Variants in CPEB2 observed in about 807,000 individuals in gnomAD.
The protein encoded by CPEB2 is cytoplasmic polyadenylation element-binding protein 2.
CPEB2 carries 56 observed loss-of-function variants against 93.6 expected under a neutral mutation model. The observed-to-expected ratio is 0.60, with a 90% CI of 0.48 to 0.75. The LOEUF (loss-of-function observed/expected upper bound fraction) is 0.75, where lower values mean the gene tolerates loss of function less well. CPEB2 is among the 30% of genes least tolerant of loss of function. The pLI is 0.00. For synonymous variants in CPEB2, 764 were observed against 586.3 expected, an observed-to-expected ratio of 1.30 and a Z score of -4.38; for missense variants, 1,579 against 1,395.1, an observed-to-expected ratio of 1.13 and a Z score of -2.10.
intron 6 of CPEB2, among the ~76,000 whole-genome samples, chr4:15,048,890 C>T (rs1727965772): frequency 6.6e-6 from 1 of 151,862 alleles, no homozygotes. Flanking sequence ...CTTTTATTGT[C>T]ATATTAATTT....
At chr4:15,065,997 A>G (rs908750438) in intron 11 of CPEB2, among the ~76,000 whole-genome samples, 156 bp from the exon 12 acceptor site, 2 of 152,070 alleles carry the variant, frequency 1.3e-5, no homozygotes, top group Admixed American at 1.3e-4. Flanking sequence ...AAAGTGTTTT[A>G]ACCTACTACA....
At chr4:15,053,812 A>G (rs944834945) in intron 7 of CPEB2, among the ~76,000 whole-genome samples, 3 of 152,082 alleles carry the variant, frequency 2.0e-5, no homozygotes, top group African/African-American at 4.8e-5. Flanking sequence ...ATTTTTTTCA[A>G]TCCAGTGCTA....
intron 4 of CPEB2, among the ~76,000 whole-genome samples, chr4:15,026,767 T>A (rs2109014504): frequency 6.6e-6 from 1 of 152,350 alleles, no homozygotes; most frequent in Non-Finnish European, 1.5e-5. Flanking sequence ...TGTAAAATAG[T>A]TTGTATAACC....
At chr4:15,042,937 G>A (rs1309696836) in intron 6 of CPEB2, among the ~76,000 whole-genome samples, 4 of 152,030 alleles carry the variant, frequency 2.6e-5, no homozygotes, top group Non-Finnish European at 5.9e-5. Flanking sequence ...TAATTATTTT[G>A]TGAAAAATGA....
chr4:15,063,368 C>CA (rs146698542), intron 11 of CPEB2, among the ~76,000 whole-genome samples: 314 of 137,062 alleles, frequency 2.3e-3, no homozygotes, highest in Middle Eastern at 3.8e-3. Context: ...AAAAGGTTGC[C>CA]AAAAAAAAAA....
At chr4:15,018,915 A>C (rs1327201882) in intron 4 of CPEB2, among the ~76,000 whole-genome samples, 1 of 144,766 alleles carries the variant, frequency 6.9e-6, no homozygotes, top group Non-Finnish European at 1.5e-5. Flanking sequence ...AAATGGAAGC[A>C]TTATAAGGCT....
intron 4 of CPEB2, among the ~76,000 whole-genome samples, chr4:15,026,010 G>C (rs113722044): frequency 6.6e-6 from 1 of 151,962 alleles, no homozygotes; most frequent in Admixed American, 6.6e-5. Flanking sequence ...TAACTGCCAC[G>C]TTAGGGATTT....
chr4:15,062,948 T>A (rs1729335239), intron 11 of CPEB2, among the ~76,000 whole-genome samples: 1 of 152,116 alleles, frequency 6.6e-6, no homozygotes, highest in African/African-American at 2.4e-5. Flanking sequence ...GACACTAGCA[T>A]TCATTTACAA....
chr4:15,030,068 A>C (rs953277691), intron 4 of CPEB2, among the ~76,000 whole-genome samples: 5 of 152,090 alleles, frequency 3.3e-5, no homozygotes, highest in African/African-American at 1.2e-4. Context: ...TATTATTGAC[A>C]GGAACAGGTA....
chr4:15,017,253 G>A lies in CPEB2; in HGVS notation c.2100G>A (p.Met700Ile). ...HSLENSLIDIMRAEHDPLKGR... is the reference protein window; with the variant it reads ...HSLENSLIDIIRAEHDPLKGR... ...TGGAAAATTCCCTTATCGATATTAT[G>A]AGAGCAGAGCATGATCCTCTTAAGG... The change falls in exon 4 of 12, where the codon ATG (methionine) becomes ATA (isoleucine). Residue 700 changes from methionine (M) to isoleucine (I), a missense_variant. Physicochemically the swap from Met to Ile is conservative, Grantham distance 10. This residue lies in a region of CPEB2 where 1,411 missense variants were observed against 1,056.0 expected (regional missense o/e 1.34). Transcript: ENST00000538197. 2 of 1,596,936 alleles carry A rather than the reference G, an allele frequency of 1.3e-6. No homozygotes were observed. Among genetic ancestry groups the A allele is most frequent in the Non-Finnish European group, 1.7e-6 (2 of 1,166,930 alleles).
intron 1 of CPEB2, among the ~76,000 whole-genome samples, 157 bp downstream of exon 1, chr4:15,004,492 C>T (rs1560209429): frequency 1.3e-5 from 2 of 152,124 alleles, no homozygotes; most frequent in Non-Finnish European, 2.9e-5. Flanking sequence ...GGGCGGACAA[C>T]CGTGACAGGA....
chr4:15,014,845 C>T (rs542711568), intron 3 of CPEB2, among the ~76,000 whole-genome samples: 1 of 152,100 alleles, frequency 6.6e-6, no homozygotes, highest in East Asian at 1.9e-4. Flanking sequence ...ATAGTGGAAG[C>T]ACAGGGAAGA....
At chr4:15,026,255 C>T (rs1384751522) in intron 4 of CPEB2, among the ~76,000 whole-genome samples, 3 of 149,670 alleles carry the variant, frequency 2.0e-5, no homozygotes, top group Admixed American at 1.3e-4. Flanking sequence ...GAGATGGAGT[C>T]TTGCTCTGTC....
In CPEB2 at chr4:15,003,566, A is replaced by G. The variant is rs939334937; in HGVS notation, c.893A>G (p.Asn298Ser). 3.4e-6 allele frequency: 5 copies of G among 1,465,484 alleles called. No homozygotes were observed. The highest frequency in any genetic ancestry group is 1.8e-4 in the Middle Eastern group (1 of 5,678). 90.8% of individuals were successfully genotyped at this position (1,465,484 alleles called of 1,614,324 possible). A position where few individuals can be genotyped will look rare whatever the true frequency, so the allele number is the denominator to read the frequency against. The change falls in exon 1 of 12, where the codon AAT becomes AGT. Residue 298 changes from asparagine to serine, a missense_variant. This residue lies in a region of CPEB2 where 1,411 missense variants were observed against 1,056.0 expected (regional missense o/e 1.34). Coordinates refer to ENST00000538197, the MANE Select transcript of CPEB2 (RefSeq NM_001177382.2). Reference sequence around the variant, plus strand: ...GAGGGCAGCGCCGCCGAGTCCCCCAATGCGGGCTTGGCCTCCTCGACGCCG... The same window carrying G: ...GAGGGCAGCGCCGCCGAGTCCCCCAGTGCGGGCTTGGCCTCCTCGACGCCG... ...AGEGSAAESP[N>S]AGLASSTPVN... is the part of the protein sequence containing the mutation.
rs550280362 is a variant in CPEB2, at chr4:15,019,398, C to G, written c.2125+2120C>G. On this transcript the variant is annotated intron_variant, in intron 4 of 11. Transcript: ENST00000538197. ...TGTATATTTTCTTTCTCTCCGTACT[C>G]TGATTATTGTACTTTTTTCTTTGGG... Among the ~76,000 whole-genome samples the G allele has an allele frequency of 7.3e-5, 11 of 151,464 alleles. No homozygotes were observed. In the East Asian group the frequency reaches 1.7e-3, roughly 24 times the overall value.
intron 5 of CPEB2, among the ~76,000 whole-genome samples, chr4:15,040,152 G>GTAAA (rs1450277168): frequency 1.3e-5 from 2 of 152,068 alleles, no homozygotes; most frequent in Non-Finnish European, 2.9e-5. Flanking sequence ...TTACCGCAAA[G>GTAAA]TGTTGTATAT....
intron 8 of CPEB2, 123 bp downstream of exon 8, chr4:15,054,340 A>G: frequency 2.8e-6 from 2 of 701,778 alleles, no homozygotes; most frequent in South Asian, 3.4e-5. Flanking sequence ...AATTTCATAG[A>G]CTCAGATCAA....
rs1477794351 is a variant in CPEB2 at position 15,002,772 on chromosome 4, G to T, written c.99G>T (p.Val33=). ...FCGEAYGPYA[V]GSVNPLPSAT... is the part of the protein sequence containing the mutation. ...GCGAGGCGTATGGTCCTTACGCCGT[G>T]GGGTCCGTCAACCCGCTGCCCTCCG... Residue 33 remains valine (V), a synonymous_variant, in exon 1 of 12, where the codon GTG becomes GTT. Coordinates refer to ENST00000538197, the MANE Select transcript of CPEB2 (RefSeq NM_001177382.2). The T allele has an allele frequency of 3.3e-6, 5 of 1,535,408 alleles. No individual in the cohort carries two copies. The Admixed American group carries it at 9.8e-5, about 30-fold the overall frequency.
chr4:15,052,608 C>T, intron 7 of CPEB2, 24 bp downstream of exon 7: 1 of 1,412,774 alleles, frequency 7.1e-7, no homozygotes, highest in Non-Finnish European at 9.5e-7. Flanking sequence ...TATTTATTAA[C>T]ATGGTGATTT....
Sources: gnomAD v4.1 joint callset for allele counts (sites outside exome capture counted in the v4.1 genomes callset) on GRCh38, gnomAD v4.1.1 for gene constraint, gnomAD v4.1.1 regional missense constraint, MANE v1.5 for transcripts, NCBI Gene and HGNC (gene_info 2026-07-23, HGNC 2026-07-21) for gene names.